Variants in PHACTR2 observed in about 807,000 individuals in gnomAD.
The protein encoded by PHACTR2 is phosphatase and actin regulator 2.
In PHACTR2, 30 loss-of-function variants were observed where a neutral mutation model predicts 76.0. The observed-to-expected ratio is 0.39, with a 90% confidence interval of 0.30 to 0.54. The LOEUF is 0.54. PHACTR2 is among the 20% of genes least tolerant of loss of function. The pLI, the probability that PHACTR2 is intolerant of heterozygous loss-of-function variation, is 0.61. For missense variants in PHACTR2, 696 were observed against 781.1 expected, an observed-to-expected ratio of 0.89 and a Z score of 1.30; for synonymous variants, 292 against 292.5, an observed-to-expected ratio of 1.00 and a Z score of 0.02.
rs1482202251 is a variant in PHACTR2, at chr6:143,754,524, G to C, written c.454+612G>C. On this transcript the variant is annotated intron_variant, in intron 4 of 12. Transcript: ENST00000440869. This position sits in a 1 kb window ranked among gnomAD's most constrained non-coding sequence, Gnocchi z 6.2. The stretch of plus-strand genomic sequence containing the variant: ...TTCAAAATGTGCCAGAGGCGATTAT[G>C]CTATTCCCAGAAGACTTCTTTAGAG... Among the ~76,000 whole-genome samples, 1 of 152,184 alleles carries C rather than the reference G, an allele frequency of 6.6e-6. No homozygotes were observed. Among genetic ancestry groups the C allele is most frequent in the Non-Finnish European group, 1.5e-5 (1 of 68,038 alleles).
At position 143,731,840 on chromosome 6, in the gene PHACTR2, A is replaced by G. The variant is rs1000024477; in HGVS notation, c.215-17145A>G. Among the ~76,000 whole-genome samples the G allele has an allele frequency of 1.3e-5, 2 of 152,208 alleles. No homozygotes were observed. The highest frequency in any genetic ancestry group is 4.8e-5 in the African/African-American group (2 of 41,444). On this transcript the variant is annotated intron_variant, in intron 2 of 12. Transcript: ENST00000440869. This position sits in a 1 kb window ranked among gnomAD's most constrained non-coding sequence, Gnocchi z 4.9. Reference sequence around the variant, plus strand: ...TTGGTAGAATAAACAGTAAAGCATTATGGACCTGAAGATTTCTCTTTTGAA... The same window carrying G: ...TTGGTAGAATAAACAGTAAAGCATTGTGGACCTGAAGATTTCTCTTTTGAA...
intron 7 of PHACTR2, 133 bp from the exon 8 acceptor site, chr6:143,773,926 A>G: frequency 1.7e-6 from 1 of 588,688 alleles, no homozygotes; most frequent in Non-Finnish European, 2.9e-6. Flanking sequence ...TCCTTAGGTT[A>G]ATTAAGATTC....
intron 1 of PHACTR2, among the ~76,000 whole-genome samples, chr6:143,559,266 A>G (rs1384006712): frequency 6.6e-6 from 1 of 152,198 alleles, no homozygotes; most frequent in African/African-American, 2.4e-5. Context: ...GCATATGATC[A>G]AGCAGGTCAG....
At chr6:143,815,340 CCA>C (rs1392912680) in intron 12 of PHACTR2, among the ~76,000 whole-genome samples, 5 of 152,036 alleles carry the variant, frequency 3.3e-5, no homozygotes, top group Non-Finnish European at 7.4e-5. Context: ...CCCCTGAGCC[CCA>C]GAGTTCCAGG....
chr6:143,781,907 A>G (rs1267304550), intron 9 of PHACTR2, among the ~76,000 whole-genome samples: 2 of 152,198 alleles, frequency 1.3e-5, no homozygotes, highest in African/African-American at 4.8e-5. Context: ...TTGTCTAATC[A>G]CCTTCTTTCT....
chr6:143,736,173 G>C (rs1447589069), intron 2 of PHACTR2, among the ~76,000 whole-genome samples: 1 of 152,032 alleles, frequency 6.6e-6, no homozygotes, highest in African/African-American at 2.4e-5. Context: ...ATTTTTTGTC[G>C]AAATGGAGTC....
At chr6:143,744,016 C>T (rs995919424) in intron 2 of PHACTR2, among the ~76,000 whole-genome samples, 6 of 152,216 alleles carry the variant, frequency 3.9e-5, no homozygotes, top group Non-Finnish European at 8.8e-5. Flanking sequence ...GCTACCTCTC[C>T]ATGCCCAGAA....
At chr6:143,650,630 C>A (rs571412256) in intron 1 of PHACTR2, among the ~76,000 whole-genome samples, 2 of 152,010 alleles carry the variant, frequency 1.3e-5, no homozygotes, top group African/African-American at 4.8e-5. Flanking sequence ...GCTAGCCATA[C>A]GCAGAAAATT....
rs1777001597 is a variant in PHACTR2, at chr6:143,664,612, AG to A, written c.14-47403del. Among the ~76,000 whole-genome samples, 1 of 152,144 alleles carries A rather than the reference AG, an allele frequency of 6.6e-6. No homozygotes were observed. Among genetic ancestry groups the A allele is most frequent in the African/African-American group, 2.4e-5 (1 of 41,442 alleles). On this transcript the variant is annotated intron_variant, in intron 1 of 11. Transcript: ENST00000305766. The surrounding 1 kb of genome is among the most constrained non-coding windows in gnomAD (Gnocchi z 5.1). Reference sequence around the variant, plus strand: ...TTTCTAACAAAGTTTAAAATTATTTAGTACATATATCTTTCCCCGATCAAAA... The same window carrying A: ...TTTCTAACAAAGTTTAAAATTATTTATACATATATCTTTCCCCGATCAAAA...
Position 143,546,740 on chromosome 6 carries a change from T to C in PHACTR2, c.217+9533T>C, listed in dbSNP as rs951122843. Among the ~76,000 whole-genome samples, 4 of 151,990 alleles carry C rather than the reference T, an allele frequency of 2.6e-5. No individual in the cohort carries two copies. The highest frequency in any genetic ancestry group is 1.3e-4 in the Admixed American group (2 of 15,252). The stretch of plus-strand genomic sequence containing the variant: ...GGTGTGATAATGATAAAGAATGTGA[T>C]TTAGCCTGGGCGCAGTGGCTTACAC... On this transcript the variant is annotated intron_variant, in intron 1 of 11. Coordinates refer to the PHACTR2 transcript ENST00000367584. This position sits in a 1 kb window ranked among gnomAD's most constrained non-coding sequence, Gnocchi z 4.9.
At chr6:143,744,685 T>C (rs2128468775) in intron 2 of PHACTR2, among the ~76,000 whole-genome samples, 1 of 152,206 alleles carries the variant, frequency 6.6e-6, no homozygotes, top group Non-Finnish European at 1.5e-5. Context: ...AAAGAAGTGG[T>C]TAGGAGCCAG....
At chr6:143,614,618 A>T (rs1278422150) in intron 1 of PHACTR2, among the ~76,000 whole-genome samples, 1 of 152,184 alleles carries the variant, frequency 6.6e-6, no homozygotes, top group Non-Finnish European at 1.5e-5. Flanking sequence ...ATGAAATTCC[A>T]TTGCACATGT....
rs76885155 is a variant in PHACTR2 at position 143,731,517 on chromosome 6, C to T, written c.215-17468C>T. ...GGTCAGGCTGGTCTCGAACTCTGGA[C>T]CTCAGGTGATCTGCCCGCCTCGGCC... On this transcript the variant is annotated intron_variant, in intron 2 of 12. Coordinates refer to ENST00000440869, the MANE Select transcript of PHACTR2 (RefSeq NM_001100164.2). The surrounding 1 kb of genome is among the most constrained non-coding windows in gnomAD (Gnocchi z 4.9). Among the ~76,000 whole-genome samples, 4 of 152,084 alleles carry T rather than the reference C, an allele frequency of 2.6e-5. No homozygotes were observed. The highest frequency in any genetic ancestry group is 1.9e-4 in the East Asian group (1 of 5,192).
In PHACTR2 at chr6:143,754,188, A is replaced by G. The variant is rs1779250705; in HGVS notation, c.454+276A>G. ...GGGGTGGCCTCTTTAATCATTAGAG[A>G]TGTCTGGGAAGATTATCCTTTCTTA... On this transcript the variant is annotated intron_variant, in intron 4 of 12. Transcript: ENST00000440869. This position sits in a 1 kb window ranked among gnomAD's most constrained non-coding sequence, Gnocchi z 6.2. 9.7e-6 allele frequency: 2 copies of G among 206,088 alleles called. No homozygotes were observed. The highest frequency in any genetic ancestry group is 1.9e-5 in the Non-Finnish European group (2 of 102,952). 12.8% of individuals were successfully genotyped at this position (206,088 alleles called of 1,614,324 possible).
chr6:143,811,515 G>A lies in PHACTR2; in HGVS notation c.1922+4382G>A, dbSNP rs1776174114. ...ATATAAGCTTTCAGGGAGAGTAACA[G>A]CTAATATCAAGGGTAAATTTTAAAA... On this transcript the variant is annotated intron_variant, in intron 12 of 12. Transcript: ENST00000440869. This position sits in a 1 kb window ranked among gnomAD's most constrained non-coding sequence, Gnocchi z 4.1. Among the ~76,000 whole-genome samples the A allele has an allele frequency of 6.6e-6, 1 of 152,068 alleles. No individual in the cohort carries two copies. The highest frequency in any genetic ancestry group is 2.4e-5 in the African/African-American group (1 of 41,418).
rs1324135348 is a variant in PHACTR2 at position 143,623,142 on chromosome 6, T to C, written c.13+14820T>C. 6.6e-6 allele frequency among the ~76,000 whole-genome samples: 1 copy of C among 152,194 alleles called. No homozygotes were observed. The highest frequency in any genetic ancestry group is 1.5e-5 in the Non-Finnish European group (1 of 68,028). On this transcript the variant is annotated intron_variant, in intron 1 of 11. Transcript: ENST00000305766. The surrounding 1 kb of genome is among the most constrained non-coding windows in gnomAD (Gnocchi z 5.9). ...AAAAGCAATTTTTAAAAATAGCATATTTTTAGACATGATTTAGTATATGTA... is the reference window on the plus strand; with the variant it reads ...AAAAGCAATTTTTAAAAATAGCATACTTTTAGACATGATTTAGTATATGTA...
At chr6:143,740,112 A>T (rs953228859) in intron 2 of PHACTR2, among the ~76,000 whole-genome samples, 1 of 152,198 alleles carries the variant, frequency 6.6e-6, no homozygotes, top group Non-Finnish European at 1.5e-5. Context: ...TCATGATTAC[A>T]TGCTAAACAA....
At position 143,616,664 on chromosome 6, in the gene PHACTR2, G is replaced by T. The variant is rs1003966923; in HGVS notation, c.13+8342G>T. ...CAGCATGCTCCTTCCTTCTAGTAGA[G>T]AAAGCAAAATTAGTAATGAATAGAC... On this transcript the variant is annotated intron_variant, in intron 1 of 11. Coordinates refer to the PHACTR2 transcript ENST00000305766. The surrounding 1 kb of genome is among the most constrained non-coding windows in gnomAD (Gnocchi z 4.9). Among the ~76,000 whole-genome samples, 5 of 152,164 alleles carry T rather than the reference G, an allele frequency of 3.3e-5. No individual in the cohort carries two copies. The highest frequency in any genetic ancestry group is 1.2e-4 in the African/African-American group (5 of 41,422).
Position 143,678,026 on chromosome 6 carries a change from G to T in PHACTR2, c.-138G>T, listed in dbSNP as rs1195575592. ...GGCCGGGCTGGGAGACCCGCGCGGG[G>T]TAGAAGGTGAGGGGACCCGGCGGGC... On this transcript the variant is annotated 5_prime_UTR_variant, in exon 1 of 13. Coordinates refer to ENST00000440869, the MANE Select transcript of PHACTR2 (RefSeq NM_001100164.2). The surrounding 1 kb of genome is among the most constrained non-coding windows in gnomAD (Gnocchi z 6.2). 3 of 1,512,136 alleles carry T rather than the reference G, an allele frequency of 2.0e-6. No individual in the cohort carries two copies. Among genetic ancestry groups the T allele is most frequent in the Non-Finnish European group, 2.7e-6 (3 of 1,127,176 alleles). 93.7% of individuals were successfully genotyped at this position (1,512,136 alleles called of 1,614,324 possible).
Sources: gnomAD v4.1 joint callset for allele counts (sites outside exome capture counted in the v4.1 genomes callset) on GRCh38, gnomAD v4.1.1 for gene constraint, Gnocchi (gnomAD v3.1) non-coding constraint, MANE v1.5 for transcripts, NCBI Gene and HGNC (gene_info 2026-07-23, HGNC 2026-07-21) for gene names.